BLTP3B: variants seen among roughly 807,000 people sequenced by gnomAD.
BLTP3B encodes the protein bridge-like lipid transfer protein family member 3B.
the BLTP3B span, among the ~76,000 whole-genome samples, chr12:100,060,744 T>G: frequency 1.3e-5 from 2 of 152,242 alleles, no homozygotes; most frequent in African/African-American, 2.4e-5. Context: ...TACATATTTT[T>G]CTACCATAAA....
the BLTP3B span, chr12:100,089,214 A>C: frequency 1.2e-6 from 1 of 812,166 alleles, no homozygotes; most frequent in African/African-American, 1.8e-5. Context: ...CTTATTTTTC[A>C]TCAATAATAT....
At chr12:100,058,209 T>C in the BLTP3B span, 1 of 1,613,022 alleles carries the variant, frequency 6.2e-7, no homozygotes, top group Non-Finnish European at 8.5e-7. Flanking sequence ...ACCATCACTA[T>C]CAAATGAAAG....
chr12:100,079,392 C>G, the BLTP3B span, among the ~76,000 whole-genome samples: 1 of 152,124 alleles, frequency 6.6e-6, no homozygotes, highest in Non-Finnish European at 1.5e-5. Flanking sequence ...TTGTTGGGAA[C>G]TGGAAGAAAG....
the BLTP3B span, among the ~76,000 whole-genome samples, chr12:100,127,822 T>C: frequency 2.6e-4 from 40 of 152,112 alleles, no homozygotes; most frequent in African/African-American, 9.2e-4. Context: ...GAGACCAGCC[T>C]GGGCAACATA....
chr12:100,059,510 T>G, the BLTP3B span: 15 of 1,600,126 alleles, frequency 9.4e-6, no homozygotes, highest in Non-Finnish European at 1.3e-5. Context: ...GACATTCAGA[T>G]TTCACTTCAG....
At chr12:100,075,919 CA>C in the BLTP3B span, among the ~76,000 whole-genome samples, 1 of 151,742 alleles carries the variant, frequency 6.6e-6, no homozygotes, top group South Asian at 2.1e-4. Context: ...CGCATGGAGA[CA>C]AAAAAGGGAA....
At chr12:100,064,541 G>C in the BLTP3B span, among the ~76,000 whole-genome samples, 2 of 152,122 alleles carry the variant, frequency 1.3e-5, no homozygotes, top group Admixed American at 1.3e-4. Flanking sequence ...TGAGACAGAA[G>C]CACCAGGTAA....
At chr12:100,068,503 T>G in the BLTP3B span, among the ~76,000 whole-genome samples, 1 of 152,146 alleles carries the variant, frequency 6.6e-6, no homozygotes, top group African/African-American at 2.4e-5. Flanking sequence ...TTGCTGACAC[T>G]TAATTAAACA....
At chr12:100,060,340 T>C in the BLTP3B span, among the ~76,000 whole-genome samples, 1 of 152,288 alleles carries the variant, frequency 6.6e-6, no homozygotes, top group African/African-American at 2.4e-5. Context: ...ACTAACTGCA[T>C]AAAACAGGAA....
the BLTP3B span, among the ~76,000 whole-genome samples, chr12:100,131,830 C>T: frequency 6.6e-5 from 10 of 152,202 alleles, no homozygotes; most frequent in African/African-American, 9.7e-5. Context: ...CTCACTGTTG[C>T]CCAGGCTGGA....
the BLTP3B span, among the ~76,000 whole-genome samples, chr12:100,075,449 A>C: frequency 1.3e-5 from 2 of 152,216 alleles, no homozygotes; most frequent in Admixed American, 6.5e-5. Flanking sequence ...TATGGCTAAG[A>C]CCTCAACGGC....
At chr12:100,106,697 C>A in the BLTP3B span, among the ~76,000 whole-genome samples, 4 of 152,076 alleles carry the variant, frequency 2.6e-5, no homozygotes, top group Non-Finnish European at 5.9e-5. Flanking sequence ...CCAGACTTTA[C>A]CACTATACAA....
the BLTP3B span, chr12:100,072,827 T>C: frequency 6.3e-7 from 1 of 1,581,214 alleles, no homozygotes; most frequent in Non-Finnish European, 8.5e-7. Context: ...AAAAGATAAA[T>C]AAGTTTACTG....
the BLTP3B span, among the ~76,000 whole-genome samples, chr12:100,052,922 T>G: frequency 2.0e-5 from 3 of 151,070 alleles, no homozygotes; most frequent in Non-Finnish European, 4.4e-5. Context: ...GCCTCCTGAG[T>G]AGCTGGGACT....
At chr12:100,095,853 A>T in the BLTP3B span, 1 of 1,558,338 alleles carries the variant, frequency 6.4e-7, no homozygotes, top group Non-Finnish European at 8.6e-7. Flanking sequence ...GGAAAAAAAA[A>T]TGTTTTATAA....
chr12:100,138,757 C>T, the BLTP3B span, among the ~76,000 whole-genome samples: 5 of 152,316 alleles, frequency 3.3e-5, no homozygotes, highest in South Asian at 1.0e-3. Context: ...GTGTCTGTAT[C>T]CAAAACTTCC....
the BLTP3B span, chr12:100,058,383 T>A: frequency 6.2e-7 from 1 of 1,612,214 alleles, no homozygotes; most frequent in Non-Finnish European, 8.5e-7. Flanking sequence ...TGATAAATAG[T>A]CCATAAAAGA....
the BLTP3B span, among the ~76,000 whole-genome samples, chr12:100,087,950 C>T: frequency 6.6e-6 from 1 of 152,154 alleles, no homozygotes; most frequent in Admixed American, 6.6e-5. Flanking sequence ...TCAAATGACA[C>T]AATGGTAGTC....
chr12:100,130,856 G>A, the BLTP3B span, among the ~76,000 whole-genome samples: 25 of 152,090 alleles, frequency 1.6e-4, no homozygotes, highest in Non-Finnish European at 2.8e-4. Context: ...CCCAGGGGGT[G>A]GAGGTTGCAG....
Sources: gnomAD v4.1 joint callset for allele counts (sites outside exome capture counted in the v4.1 genomes callset) on GRCh38, gnomAD v4.1.1 for gene constraint, MANE v1.5 for transcripts, NCBI Gene and HGNC (gene_info 2026-07-23, HGNC 2026-07-21) for gene names.